CNTRL: variants seen among roughly 807,000 people sequenced by gnomAD.
CNTRL encodes 110 kDa centrosomal protein.
A neutral mutation model predicts 303.7 loss-of-function variants in CNTRL; 233 were observed. The ratio of observed to expected loss-of-function variants is 0.77; its 90% confidence interval spans 0.69 to 0.86. The LOEUF (loss-of-function observed/expected upper bound fraction) is 0.86, where lower values mean the gene tolerates loss of function less well. Ranked by LOEUF, CNTRL falls within the 40% of genes least tolerant of loss-of-function variation. CNTRL has a pLI of 0.00. For synonymous variants in CNTRL, 900 were observed against 922.2 expected, an observed-to-expected ratio of 0.98 and a Z score of 0.44; for missense variants, 2,524 against 2,650.6, an observed-to-expected ratio of 0.95 and a Z score of 1.05.
intron 14 of CNTRL, 24 bp from the exon 15 acceptor site, chr9:121,135,782 G>C (rs372876001): frequency 5.7e-6 from 9 of 1,590,450 alleles, no homozygotes; most frequent in Non-Finnish European, 7.7e-6. Context: ...GGGTTCCATA[G>C]TTAAACCCAC....
chr9:121,111,828 A>G (rs541648908), intron 8 of CNTRL, among the ~76,000 whole-genome samples: 1 of 148,770 alleles, frequency 6.7e-6, no homozygotes, highest in East Asian at 2.0e-4. Context: ...AAAAATTTCT[A>G]AGAATAAAAA....
chr9:121,106,370 G>A (rs1050420290), intron 7 of CNTRL, among the ~76,000 whole-genome samples: 1 of 151,720 alleles, frequency 6.6e-6, no homozygotes, highest in African/African-American at 2.4e-5. Context: ...AAAGCAAAGT[G>A]GAGAAACAAG....
At chr9:121,106,954 T>A (rs1277073162) in intron 7 of CNTRL, among the ~76,000 whole-genome samples, 6 of 152,194 alleles carry the variant, frequency 3.9e-5, no homozygotes, top group Non-Finnish European at 8.8e-5. Context: ...TGTGCTAGGC[T>A]ATTAGATCTA....
At chr9:121,075,573 G>A (rs537130176) in intron 1 of CNTRL, among the ~76,000 whole-genome samples, 84 of 152,320 alleles carry the variant, frequency 5.5e-4, no homozygotes, top group South Asian at 2.7e-3. Flanking sequence ...TATTCGTTAA[G>A]GGACTAGAGA....
intron 27 of CNTRL, 63 bp from the exon 28 acceptor site, chr9:121,157,407 A>G (rs1159419885): frequency 5.2e-6 from 8 of 1,547,148 alleles, no homozygotes; most frequent in Non-Finnish European, 6.2e-6. Flanking sequence ...ACTGGTTTAC[A>G]TGGCCAGTAG....
At chr9:121,123,414 G>A (rs953543985) in intron 12 of CNTRL, among the ~76,000 whole-genome samples, 2 of 151,962 alleles carry the variant, frequency 1.3e-5, no homozygotes, top group Non-Finnish European at 2.9e-5. Context: ...ACTCCCGTCT[G>A]TACTAAAAAA....
intron 14 of CNTRL, among the ~76,000 whole-genome samples, chr9:121,130,547 GTCTA>G (rs1479675146): frequency 6.6e-6 from 1 of 152,030 alleles, no homozygotes; most frequent in Non-Finnish European, 1.5e-5. Flanking sequence ...CTTGCTAGCG[GTCTA>G]TCTATTTTGT....
At chr9:121,171,171 G>T (rs569589492) in intron 39 of CNTRL, 297 of 571,514 alleles carry the variant, frequency 5.2e-4, no homozygotes, top group Middle Eastern at 1.3e-3. Context: ...AATTAATGAA[G>T]ACTCAGAAAG....
chr9:121,148,693 G>A lies in CNTRL; in HGVS notation c.3481G>A (p.Ala1161Thr), dbSNP rs768304057. 6.2e-7 allele frequency: 1 copy of A among 1,613,332 alleles called. No homozygotes were observed. Among genetic ancestry groups the A allele is most frequent in the Non-Finnish European group, 8.5e-7 (1 of 1,179,438 alleles). ...SSKVSSHSSQ[A>T]TKDSGVGLKY... is the part of the protein sequence containing the mutation. The stretch of plus-strand genomic sequence containing the variant: ...TTAGGTTTCCAGCCATAGTTCCCAG[G>A]CCACCAAGGACTCTGGTGTTGGCCT... The change falls in exon 24 of 44, where the codon GCC (alanine) becomes ACC (threonine). Residue 1161 changes from alanine to threonine, a missense_variant. Ala to Thr is a moderately conservative substitution (Grantham distance 58, BLOSUM62 0). Coordinates refer to ENST00000373855, the MANE Select transcript of CNTRL (RefSeq NM_007018.6).
intron 2 of CNTRL, among the ~76,000 whole-genome samples, chr9:121,083,443 A>G (rs1412406165): frequency 2.0e-5 from 3 of 152,130 alleles, no homozygotes; most frequent in African/African-American, 7.2e-5. Flanking sequence ...CTAGGCCTGT[A>G]AGGGTCAGGA....
intron 14 of CNTRL, among the ~76,000 whole-genome samples, chr9:121,135,597 A>T (rs561976307): frequency 6.6e-6 from 1 of 152,242 alleles, no homozygotes; most frequent in Admixed American, 6.5e-5. Flanking sequence ...GAGCTTACTG[A>T]CTTTCTTGAT....
At chr9:121,132,877 T>A (rs2050948263) in intron 14 of CNTRL, among the ~76,000 whole-genome samples, 1 of 152,234 alleles carries the variant, frequency 6.6e-6, no homozygotes, top group Admixed American at 6.5e-5. Context: ...TTAGTTTTCC[T>A]TCTAACAGTC....
In CNTRL at chr9:121,142,192, C is replaced by T. The variant is rs765959683; in HGVS notation, c.2793C>T (p.Gly931=). ...TAAAAAGTATGGAGGAAATCCAAGG[C>T]CTTACAGATCTCCAACTTCAGGAAG... ...ENLKSMEEIQ[G]LTDLQLQEAD... is the part of the protein sequence containing the mutation. Residue 931 remains glycine, a synonymous_variant, in exon 19 of 44, where the codon GGC becomes GGT. Coordinates refer to ENST00000373855, the MANE Select transcript of CNTRL (RefSeq NM_007018.6). 1 of 1,612,340 alleles carries T rather than the reference C, an allele frequency of 6.2e-7. No individual in the cohort carries two copies. The highest frequency in any genetic ancestry group is 8.5e-7 in the Non-Finnish European group (1 of 1,179,272).
chr9:121,105,577 C>T (rs938948464), intron 7 of CNTRL, among the ~76,000 whole-genome samples: 1 of 152,102 alleles, frequency 6.6e-6, no homozygotes, highest in African/African-American at 2.4e-5. Context: ...CTCACTCAGG[C>T]AGTGGTTGGG....
intron 4 of CNTRL, among the ~76,000 whole-genome samples, chr9:121,092,888 C>T (rs1486859383): frequency 2.1e-5 from 3 of 141,154 alleles, no homozygotes; most frequent in South Asian, 2.1e-4. Context: ...CTCACTGCAA[C>T]ATCCTACTCC....
intron 14 of CNTRL, among the ~76,000 whole-genome samples, chr9:121,133,806 A>T (rs1406091694): frequency 1.3e-5 from 2 of 152,104 alleles, no homozygotes; most frequent in African/African-American, 2.4e-5. Context: ...TTTTATATAT[A>T]TTTTTATACA....
At chr9:121,094,223 A>G (rs1218369768) in intron 4 of CNTRL, among the ~76,000 whole-genome samples, 2 of 151,872 alleles carry the variant, frequency 1.3e-5, no homozygotes, top group Non-Finnish European at 2.9e-5. Context: ...ATTTATAAAG[A>G]GTAAAGATTT....
chr9:121,163,517 T>C (rs527759594), intron 34 of CNTRL, among the ~76,000 whole-genome samples: 1 of 152,038 alleles, frequency 6.6e-6, no homozygotes, highest in African/African-American at 2.4e-5. Flanking sequence ...TTGATAAAAT[T>C]AGACTTCAAA....
At position 121,162,185 on chromosome 9, in the gene CNTRL, A is replaced by G. The variant is rs780192321; in HGVS notation, c.5337A>G (p.Gln1779=). The change falls in exon 34 of 44, where the codon CAA becomes CAG. Residue 1779 remains glutamine, a synonymous_variant. Coordinates refer to ENST00000373855, the MANE Select transcript of CNTRL (RefSeq NM_007018.6). ...ERMTAESRAL[Q]SCVECLSKEK... is the part of the protein sequence containing the mutation. ...TGACTGCTGAGTCCCGAGCTTTACA[A>G]TCGTGTGTTGAGTGTTTGAGCAAAG... The G allele has an allele frequency of 3.7e-6, 6 of 1,614,080 alleles. No individual in the cohort carries two copies. The highest frequency in any genetic ancestry group is 1.3e-5 in the African/African-American group (1 of 74,942).
Sources: gnomAD v4.1 joint callset for allele counts (sites outside exome capture counted in the v4.1 genomes callset) on GRCh38, gnomAD v4.1.1 for gene constraint, MANE v1.5 for transcripts, NCBI Gene and HGNC (gene_info 2026-07-23, HGNC 2026-07-21) for gene names.